The following CDH23 variants were observed in gnomAD, a reference collection of about 807,000 sequenced individuals.
CDH23 encodes the protein cadherin related 23.
Under a neutral mutation model 317.1 loss-of-function variants are expected in CDH23, and 189 were observed. That is an observed-to-expected ratio of 0.60 (90% CI 0.53 to 0.67). The LOEUF (loss-of-function observed/expected upper bound fraction) is 0.67. CDH23 is among the 30% of genes least tolerant of loss of function. The pLI is 0.00. For synonymous variants in CDH23, 1,839 were observed against 1,876.8 expected (o/e 0.98, Z 0.52); for missense variants, 4,401 against 4,592.4 (o/e 0.96, Z 1.20).
intron 11 of CDH23, among the ~76,000 whole-genome samples, chr10:71,637,017 C>G (rs959781517): frequency 6.6e-6 from 1 of 152,104 alleles, no homozygotes; most frequent in South Asian, 2.1e-4. Context: ...TTAGCACCCC[C>G]CTTAATGTAG....
chr10:71,507,147 G>A (rs1368120401), intron 3 of CDH23, among the ~76,000 whole-genome samples: 1 of 152,212 alleles, frequency 6.6e-6, no homozygotes, highest in Admixed American at 6.5e-5. Flanking sequence ...TACAGCAGGT[G>A]AGGATTGCGG....
intron 1 of CDH23, among the ~76,000 whole-genome samples, chr10:71,403,366 T>C (rs1324199995): frequency 0.025 from 2,611 of 106,378 alleles, 153 homozygotes; most frequent in African/African-American, 0.069. Context: ...TTTCTTTCTT[T>C]CTTTCTTTCT....
chr10:71,740,737 T>G lies in CDH23; in HGVS notation c.4489-85T>G, dbSNP rs539035985. The G allele has an allele frequency of 3.7e-3, 5,861 of 1,573,402 alleles. 30 individuals carry two copies. Among genetic ancestry groups the G allele is most frequent in the Non-Finnish European group, 4.3e-3 (4,986 of 1,156,482 alleles). On this transcript the variant is annotated intron_variant, in intron 36 of 69. Coordinates refer to ENST00000224721, the MANE Select transcript of CDH23 (RefSeq NM_022124.6). ...CTTTGCCCTCCCAAATGCTCCCCAC[T>G]GATTGCACAGCCCTTTTGGACTCCA...
chr10:71,508,666 A>G (rs1853780124), intron 3 of CDH23, among the ~76,000 whole-genome samples: 1 of 152,168 alleles, frequency 6.6e-6, no homozygotes, highest in African/African-American at 2.4e-5. Context: ...TGTGAGAGTC[A>G]GTATTTGGGG....
At chr10:71,668,136 G>C (rs61852018) in intron 14 of CDH23, among the ~76,000 whole-genome samples, 1 of 151,868 alleles carries the variant, frequency 6.6e-6, no homozygotes, top group African/African-American at 2.4e-5. Context: ...CTGCATCCTG[G>C]GAAACCACAG....
intron 1 of CDH23, among the ~76,000 whole-genome samples, chr10:71,405,038 G>C (rs963117751): frequency 7.2e-5 from 11 of 152,174 alleles, no homozygotes; most frequent in African/African-American, 1.9e-4. Flanking sequence ...GGGCAGCCGC[G>C]ACTCTGTCTG....
intron 6 of CDH23, among the ~76,000 whole-genome samples, chr10:71,512,506 G>C (rs1391496636): frequency 6.6e-6 from 1 of 152,210 alleles, no homozygotes; most frequent in Non-Finnish European, 1.5e-5. Context: ...CTACGTGCCA[G>C]CCTGCACTCC....
intron 9 of CDH23, among the ~76,000 whole-genome samples, chr10:71,610,922 C>T (rs1037738453): frequency 6.6e-6 from 1 of 150,762 alleles, no homozygotes; most frequent in African/African-American, 2.4e-5. Context: ...GCAGCCACCA[C>T]CCCACCCCAA....
chr10:71,567,399 C>T (rs1330946004), intron 7 of CDH23, among the ~76,000 whole-genome samples: 1 of 152,248 alleles, frequency 6.6e-6, no homozygotes, highest in African/African-American at 2.4e-5. Context: ...GGAGTTCAGG[C>T]ATCCTGCCTC....
chr10:71,547,014 T>G (rs992229485), intron 6 of CDH23, among the ~76,000 whole-genome samples: 13 of 152,152 alleles, frequency 8.5e-5, no homozygotes, highest in African/African-American at 2.9e-4. Flanking sequence ...CATTCAACAG[T>G]GATGTTTTTC....
At chr10:71,793,153 G>A (rs373719290) in intron 47 of CDH23, 29 bp from the exon 48 acceptor site, 100 of 1,548,790 alleles carry the variant, frequency 6.5e-5, no homozygotes, top group African/African-American at 3.7e-4. Flanking sequence ...GCCACTGTGC[G>A]CAGCTACTCC....
At chr10:71,621,447 C>T (rs906957321) in intron 11 of CDH23, among the ~76,000 whole-genome samples, 1 of 152,188 alleles carries the variant, frequency 6.6e-6, no homozygotes, top group African/African-American at 2.4e-5. Flanking sequence ...CTTAGTTTGG[C>T]TCACCAGTGT....
At chr10:71,673,984 T>C (rs1864253298) in intron 14 of CDH23, among the ~76,000 whole-genome samples, 1 of 152,052 alleles carries the variant, frequency 6.6e-6, no homozygotes, top group South Asian at 2.1e-4. Context: ...GCTGGGGTGG[T>C]GGCGGGGACA....
intron 57 of CDH23, 39 bp from the exon 58 acceptor site, chr10:71,807,238 C>A: frequency 1.2e-6 from 2 of 1,607,040 alleles, no homozygotes; most frequent in Non-Finnish European, 1.7e-6. Context: ...CTCGGGTCTT[C>A]CCTTGGCCCC....
chr10:71,505,628 G>A (rs974792211), intron 3 of CDH23, among the ~76,000 whole-genome samples: 1 of 152,158 alleles, frequency 6.6e-6, no homozygotes, highest in African/African-American at 2.4e-5. Context: ...GGAAATGTGT[G>A]TGCTGAGGGA....
At chr10:71,698,621 C>A (rs1014678966) in intron 22 of CDH23, among the ~76,000 whole-genome samples, 10 of 152,066 alleles carry the variant, frequency 6.6e-5, no homozygotes, top group African/African-American at 1.7e-4. Context: ...AGCCTTTGCA[C>A]GAGCCCTTTC....
chr10:71,405,563 A>T (rs1228005854), intron 1 of CDH23, among the ~76,000 whole-genome samples: 1 of 151,194 alleles, frequency 6.6e-6, no homozygotes, highest in African/African-American at 2.4e-5. Flanking sequence ...TCAGCCTCCC[A>T]AGTAGCTGGG....
intron 6 of CDH23, among the ~76,000 whole-genome samples, chr10:71,537,195 G>A (rs1855750849): frequency 6.6e-6 from 1 of 151,964 alleles, no homozygotes; most frequent in Non-Finnish European, 1.5e-5. Context: ...TACTCCCCAA[G>A]CAGAAGAGCA....
At chr10:71,585,254 T>C (rs1858971120) in intron 9 of CDH23, among the ~76,000 whole-genome samples, 1 of 152,150 alleles carries the variant, frequency 6.6e-6, no homozygotes, top group African/African-American at 2.4e-5. Flanking sequence ...TCTCGGATCA[T>C]GGTGGTGGCC....
Sources: allele counts gnomAD v4.1 joint callset (sites outside exome capture counted in the v4.1 genomes callset), GRCh38; gene constraint gnomAD v4.1.1; transcripts MANE v1.5; gene names NCBI Gene and HGNC (gene_info 2026-07-23, HGNC 2026-07-21).